The following TBXAS1 variants were observed in gnomAD, a reference collection of about 807,000 sequenced individuals.
The protein encoded by TBXAS1 is thromboxane-A synthase.
TBXAS1 carries 48 observed loss-of-function variants against 60.7 expected under a neutral mutation model. That is an observed-to-expected ratio of 0.79 (90% CI 0.63 to 1.01). The LOEUF is 1.01. Among genes scored for constraint, TBXAS1 ranks in the 50% least tolerant of loss-of-function variants. TBXAS1 has a pLI of 0.00. For synonymous variants in TBXAS1, 287 were observed against 269.7 expected (o/e 1.06, Z -0.63); for missense variants, 685 against 686.3 (o/e 1.00, Z 0.02).
At chr7:139,939,759 A>G (rs1289507719) in intron 5 of TBXAS1, among the ~76,000 whole-genome samples, 1 of 152,104 alleles carries the variant, frequency 6.6e-6, no homozygotes, top group Non-Finnish European at 1.5e-5. Context: ...GGAGGAGCGG[A>G]GGAGAAACCT....
At chr7:139,839,834 C>G (rs1799312317) in intron 1 of TBXAS1, among the ~76,000 whole-genome samples, 2 of 151,554 alleles carry the variant, frequency 1.3e-5, no homozygotes. Context: ...CGCACTCCAG[C>G]CTGGGTGACA....
At chr7:139,851,116 C>T (rs1464161416) in intron 1 of TBXAS1, among the ~76,000 whole-genome samples, 1 of 152,234 alleles carries the variant, frequency 6.6e-6, no homozygotes, top group African/African-American at 2.4e-5. Flanking sequence ...ATGTTTGTTA[C>T]TGTAACCCTC....
intron 4 of TBXAS1, among the ~76,000 whole-genome samples, chr7:139,935,389 T>C (rs917592179): frequency 1.9e-4 from 29 of 152,228 alleles, no homozygotes; most frequent in African/African-American, 5.1e-4. Flanking sequence ...ATTCAAGTTT[T>C]GCTTTTTGGA....
chr7:139,848,971 A>G (rs1470897986), intron 1 of TBXAS1, among the ~76,000 whole-genome samples: 2 of 152,170 alleles, frequency 1.3e-5, no homozygotes, highest in East Asian at 3.8e-4. Context: ...AAGTCACAAG[A>G]CAAAATAAAA....
At chr7:139,801,374 C>T (rs1490117055) in intron 4 of TBXAS1, among the ~76,000 whole-genome samples, 1 of 152,060 alleles carries the variant, frequency 6.6e-6, no homozygotes, top group Admixed American at 6.6e-5. Context: ...TTAAATAGCT[C>T]TTCTGTTCTT....
chr7:139,903,794 G>A (rs1804763092), intron 3 of TBXAS1, among the ~76,000 whole-genome samples: 1 of 151,504 alleles, frequency 6.6e-6, no homozygotes, highest in South Asian at 2.1e-4. Flanking sequence ...CTTTTTGATG[G>A]GATTGTTTGT....
chr7:139,916,221 C>G lies in TBXAS1; in HGVS notation c.333+4900C>G, dbSNP rs1379011524. The stretch of plus-strand genomic sequence containing the variant: ...ATGGTCACAACCAGAGGCAGAACTT[C>G]TTGTTCTTGGCCTCCTATCAAGGCC... On this transcript the variant is annotated intron_variant, in intron 4 of 12. Coordinates refer to ENST00000448866, the MANE Select transcript of TBXAS1 (RefSeq NM_001061.7). This position sits in a 1 kb window ranked among gnomAD's most constrained non-coding sequence, Gnocchi z 4.2. Among the ~76,000 whole-genome samples the G allele has an allele frequency of 1.3e-5, 2 of 152,186 alleles. No individual in the cohort carries two copies. Among genetic ancestry groups the G allele is most frequent in the African/African-American group, 4.8e-5 (2 of 41,434 alleles).
At chr7:139,913,834 T>G (rs1344988313) in intron 4 of TBXAS1, 1 of 152,426 alleles carries the variant, frequency 6.6e-6, no homozygotes. Flanking sequence ...CCTTGTGTCT[T>G]AGATCCATTG....
Position 140,015,837 on chromosome 7 carries a change from C to A in TBXAS1, c.1341C>A (p.Ser447Arg), listed in dbSNP as rs113298427. 33 of 1,613,726 alleles carry A rather than the reference C, an allele frequency of 2.0e-5. No individual in the cohort carries two copies. Among genetic ancestry groups the A allele is most frequent in the Non-Finnish European group, 2.6e-5 (31 of 1,180,042 alleles). The change falls in exon 11 of 13, where the codon AGC (serine) becomes AGA (arginine). Residue 447 changes from serine to arginine, a missense_variant. Coordinates refer to ENST00000448866, the MANE Select transcript of TBXAS1 (RefSeq NM_001061.7). ...ALHHDPEHWPSPETFNPERFT... is the reference protein window; with the variant it reads ...ALHHDPEHWPRPETFNPERFT... ...ACCATGACCCTGAGCACTGGCCAAG[C>A]CCGGAGACCTTCAACCCTGAAAGGT...
At chr7:139,791,275 G>T (rs1399939756) in intron 4 of TBXAS1, among the ~76,000 whole-genome samples, 1 of 152,220 alleles carries the variant, frequency 6.6e-6, no homozygotes, top group Non-Finnish European at 1.5e-5. Flanking sequence ...CAGCATAGGG[G>T]TTTAGTGAGT....
At chr7:139,919,611 T>C (rs1297892969) in intron 4 of TBXAS1, among the ~76,000 whole-genome samples, 1 of 152,210 alleles carries the variant, frequency 6.6e-6, no homozygotes, top group Non-Finnish European at 1.5e-5. Context: ...CTCCCGATAA[T>C]ACATGAACCC....
At chr7:140,015,621 C>T (rs758463444) in intron 10 of TBXAS1, 102 bp from the exon 11 acceptor site, 11 of 1,339,910 alleles carry the variant, frequency 8.2e-6, no homozygotes, top group South Asian at 1.2e-5. Context: ...ATGCTGCCTG[C>T]CCCTGATCCC....
rs140386231 is a variant in TBXAS1, at chr7:139,859,937, G to A, written c.90-12298G>A. ...GTGGATCACTTGAGGTTAGGAGTTCGAGACCAGCCTGGCCAACATGGTAAA... is the reference window on the plus strand; with the variant it reads ...GTGGATCACTTGAGGTTAGGAGTTCAAGACCAGCCTGGCCAACATGGTAAA... On this transcript the variant is annotated intron_variant, in intron 1 of 12. Transcript: ENST00000448866. Among the ~76,000 whole-genome samples the A allele has an allele frequency of 7.3e-3, 1,117 of 152,250 alleles. 19 individuals are homozygous for A. Among genetic ancestry groups the A allele is most frequent in the African/African-American group, 0.026 (1,092 of 41,534 alleles).
chr7:139,952,538 TC>T (rs1242250379), intron 5 of TBXAS1: 14 of 1,536,536 alleles, frequency 9.1e-6, no homozygotes, highest in Non-Finnish European at 1.2e-5. Flanking sequence ...ATGATTCTGC[TC>T]GATATTTTCA....
Position 139,968,867 on chromosome 7 carries a change from G to A in TBXAS1, c.1134+6634G>A, listed in dbSNP as rs116589701. Among the ~76,000 whole-genome samples the A allele has an allele frequency of 9.9e-3, 1,511 of 152,238 alleles. 29 individuals carry two copies. The highest frequency in any genetic ancestry group is 0.034 in the African/African-American group (1,433 of 41,544). The stretch of plus-strand genomic sequence containing the variant: ...AAGGTTTGTACCATTTGTACCACTC[G>A]TAAAGCTGAAAAAACCACACCATCT... On this transcript the variant is annotated intron_variant, in intron 9 of 12. Transcript: ENST00000448866.
At chr7:139,971,533 T>C (rs76377296) in intron 9 of TBXAS1, among the ~76,000 whole-genome samples, 1 of 152,214 alleles carries the variant, frequency 6.6e-6, no homozygotes, top group East Asian at 1.9e-4. Context: ...GTCCTGGGGA[T>C]ACCTGCGGGA....
intron 5 of TBXAS1, among the ~76,000 whole-genome samples, chr7:139,941,448 C>T (rs2299894): frequency 0.64 from 96,483 of 151,030 alleles, 31,005 homozygotes; most frequent in East Asian, 0.74. Flanking sequence ...TTTTTTTTGG[C>T]CTATGTCATA....
intron 1 of TBXAS1, among the ~76,000 whole-genome samples, chr7:139,837,608 C>T (rs1585591592): frequency 6.6e-6 from 1 of 152,210 alleles, no homozygotes; most frequent in African/African-American, 2.4e-5. Flanking sequence ...GGGATCTAAG[C>T]TATGAGGATC....
intron 1 of TBXAS1, among the ~76,000 whole-genome samples, chr7:139,835,434 C>G (rs1192439195): frequency 6.6e-6 from 1 of 152,098 alleles, no homozygotes; most frequent in Non-Finnish European, 1.5e-5. Context: ...GATAATCCAC[C>G]ATGATCAAGT....
Sources: allele counts gnomAD v4.1 joint callset (sites outside exome capture counted in the v4.1 genomes callset), GRCh38; gene constraint gnomAD v4.1.1; non-coding constraint Gnocchi (gnomAD v3.1); transcripts MANE v1.5; gene names NCBI Gene and HGNC (gene_info 2026-07-23, HGNC 2026-07-21).